The following SV2A variants were observed in gnomAD, a reference collection of about 807,000 sequenced individuals.
SV2A encodes solute carrier family 22 member B1.
Under a neutral mutation model 78.0 loss-of-function variants are expected in SV2A, and 25 were observed. That is an observed-to-expected ratio of 0.32 (90% CI 0.23 to 0.45). The LOEUF (loss-of-function observed/expected upper bound fraction) is 0.45. SV2A is among the 20% of genes least tolerant of loss of function. SV2A has a pLI of 1.00. For synonymous variants in SV2A, 355 were observed against 384.7 expected (o/e 0.92, Z 0.90); for missense variants, 752 against 971.5 (o/e 0.77, Z 3.00).
rs782114022 is a variant in SV2A at position 149,911,790 on chromosome 1, G to A, written c.803+10C>T. ...CCTGCCCTCAAGGGACTTAGGAAGT[G>A]TACACTCACCCAACCCCAGAAAGTA... On this transcript the variant is annotated intron_variant, in intron 3 of 12. Transcript: ENST00000369146. 3.7e-6 allele frequency: 6 copies of A among 1,613,138 alleles called. 1 individual carries two copies. In the South Asian group the frequency reaches 5.5e-5, roughly 15 times the overall value.
chr1:149,913,995 G>A lies in SV2A; in HGVS notation c.-155C>T. ...CTGGGCACAAAAAAAAGAGCAAACAGGTCCTAGCCAATGAGTGCCTAGGAA... is the reference window on the plus strand; with the variant it reads ...CTGGGCACAAAAAAAAGAGCAAACAAGTCCTAGCCAATGAGTGCCTAGGAA... On this transcript the variant is annotated 5_prime_UTR_variant, in exon 2 of 13. Coordinates refer to ENST00000369146, the MANE Select transcript of SV2A (RefSeq NM_014849.5). 1 of 1,192,954 alleles carries A rather than the reference G, an allele frequency of 8.4e-7. No individual in the cohort carries two copies. Among genetic ancestry groups the A allele is most frequent in the South Asian group, 1.6e-5 (1 of 61,122 alleles). 73.9% of individuals were successfully genotyped at this position (1,192,954 alleles called of 1,614,324 possible).
rs2092495584 is a variant in SV2A at position 149,913,960 on chromosome 1, T to G, written c.-120A>C. ...CCACAGTTACTTAGATGAAGCGTGTTCCAGTATCTCTGGGCACAAAAAAAA... is the reference window on the plus strand; with the variant it reads ...CCACAGTTACTTAGATGAAGCGTGTGCCAGTATCTCTGGGCACAAAAAAAA... On this transcript the variant is annotated 5_prime_UTR_variant, in exon 2 of 13. Transcript: ENST00000369146. 6.9e-7 allele frequency: 1 copy of G among 1,442,712 alleles called. No individual in the cohort carries two copies. Among genetic ancestry groups the G allele is most frequent in the African/African-American group, 1.4e-5 (1 of 70,424 alleles). 89.4% of individuals were successfully genotyped at this position (1,442,712 alleles called of 1,614,324 possible). A position where few individuals can be genotyped will look rare whatever the true frequency, so the allele number is the denominator to read the frequency against.
intron 12 of SV2A, 159 bp from the exon 13 acceptor site, chr1:149,905,356 A>C: frequency 1.7e-6 from 1 of 604,930 alleles, no homozygotes; most frequent in Non-Finnish European, 2.8e-6. Context: ...TACACCAGGA[A>C]TGTAAATAAA....
At position 149,906,696 on chromosome 1, in the gene SV2A, G is replaced by A. The variant is rs781990667; in HGVS notation, c.1839C>T (p.Ile613=). 3.0e-5 allele frequency: 48 copies of A among 1,614,062 alleles called. No individual in the cohort carries two copies. The highest frequency in any genetic ancestry group is 1.1e-4 in the East Asian group (5 of 44,904). ...TCTTGTCCATGAGCAGGGCAGACACGATATTCCCAGGAAGCACTGCCAGTG... is the reference window on the plus strand; with the variant it reads ...TCTTGTCCATGAGCAGGGCAGACACAATATTCCCAGGAAGCACTGCCAGTG... ...LGTLAVLPGN[I]VSALLMDKIG... The change falls in exon 11 of 13, where the codon ATC becomes ATT. Residue 613 remains isoleucine (I), a synonymous_variant. Coordinates refer to ENST00000369146, the MANE Select transcript of SV2A (RefSeq NM_014849.5).
chr1:149,911,530 T>C (rs2101621871), intron 3 of SV2A, among the ~76,000 whole-genome samples: 1 of 152,234 alleles, frequency 6.6e-6, no homozygotes, highest in East Asian at 1.9e-4. Flanking sequence ...CTAGGCCTCT[T>C]TGTGGAGGCA....
chr1:149,917,339 C>T (rs587704289), intron 1 of SV2A, among the ~76,000 whole-genome samples: 5 of 152,138 alleles, frequency 3.3e-5, no homozygotes, highest in South Asian at 2.1e-4. Context: ...ATTCTCCAGC[C>T]CCAGCCAAGG....
Position 149,908,063 on chromosome 1 carries a change from C to G in SV2A, c.1523G>C (p.Gly508Ala), listed in dbSNP as rs147541799. 7 of 1,614,152 alleles carry G rather than the reference C, an allele frequency of 4.3e-6. No homozygotes were observed. Among genetic ancestry groups the G allele is most frequent in the Non-Finnish European group, 5.9e-6 (7 of 1,180,008 alleles). The change falls in exon 9 of 13, where the codon GGC becomes GCC. Residue 508 changes from glycine (G) to alanine (A), a missense_variant. Physicochemically the swap from Gly to Ala is moderately conservative, Grantham distance 60. Around this residue, in one of 7 missense-constraint regions of SV2A, gnomAD observed 81 missense variants for 74.2 expected, o/e 1.09. Coordinates refer to ENST00000369146, the MANE Select transcript of SV2A (RefSeq NM_014849.5). ...NFTLENQIHR[G>A]GQYFNDKFIG... ...ATACTTGTCATTGAAGTACTGCCCG[C>G]CTCGGTGGATCTGATTCTCCAACGT...
intron 3 of SV2A, among the ~76,000 whole-genome samples, 180 bp from the exon 4 acceptor site, chr1:149,911,157 G>A (rs2092473084): frequency 1.3e-5 from 2 of 152,176 alleles, no homozygotes; most frequent in African/African-American, 2.4e-5. Context: ...TTGGGACCAT[G>A]GGAAACAGGC....
At chr1:149,908,813 A>G in intron 8 of SV2A, among the ~76,000 whole-genome samples, 1 of 151,864 alleles carries the variant, frequency 6.6e-6, no homozygotes, top group East Asian at 1.9e-4. Context: ...AATTTTTTGT[A>G]TGTTAGTAGA....
At position 149,905,146 on chromosome 1, in the gene SV2A, C is replaced by A. The variant is rs1201811534; in HGVS notation, c.2097G>T (p.Leu699=). ...LNALCKLAAV[L]GISIFTSFVG... is the part of the protein sequence containing the mutation. ...CGAAGGATGTGAAGATGCTGATCCCCAGCACAGCTGCCAGCTTACACAGGG... is the reference window on the plus strand; with the variant it reads ...CGAAGGATGTGAAGATGCTGATCCCAAGCACAGCTGCCAGCTTACACAGGG... The change falls in exon 13 of 13, where the codon CTG becomes CTT. Residue 699 remains leucine, a synonymous_variant. Transcript: ENST00000369146. 2.5e-6 allele frequency: 4 copies of A among 1,611,860 alleles called. No individual in the cohort carries two copies. In the African/African-American group the frequency reaches 5.3e-5, roughly 22 times the overall value.
At chr1:149,915,727 G>A (rs1424421038) in intron 1 of SV2A, among the ~76,000 whole-genome samples, 2 of 152,154 alleles carry the variant, frequency 1.3e-5, no homozygotes, top group Non-Finnish European at 2.9e-5. Flanking sequence ...TAGAATAAAG[G>A]GGGTTTGGGT....
intron 10 of SV2A, 159 bp from the exon 11 acceptor site, chr1:149,907,015 G>A: frequency 6.9e-7 from 1 of 1,454,180 alleles, no homozygotes; most frequent in Non-Finnish European, 9.1e-7. Flanking sequence ...ACATCACCAT[G>A]GGAACTAGGG....
At position 149,913,491 on chromosome 1, in the gene SV2A, G is replaced by A. The variant is rs781903721; in HGVS notation, c.350C>T (p.Ala117Val). 26 of 1,611,498 alleles carry A rather than the reference G, an allele frequency of 1.6e-5. No homozygotes were observed. Among genetic ancestry groups the A allele is most frequent in the African/African-American group, 6.8e-5 (5 of 73,872 alleles). ...GGKGERMADGAPLAGVRGGLS... is the reference protein window; with the variant it reads ...GGKGERMADGVPLAGVRGGLS... ...GCCCCCCCTTACTCCAGCCAGGGGC[G>A]CCCCATCTGCCATCCGCTCGCCTTT... The change falls in exon 2 of 13, where the codon GCG becomes GTG. Residue 117 changes from alanine to valine, a missense_variant. Ala to Val is a moderately conservative substitution (Grantham distance 64). Coordinates refer to ENST00000369146, the MANE Select transcript of SV2A (RefSeq NM_014849.5).
At chr1:149,911,763 G>C in intron 3 of SV2A, 37 bp downstream of exon 3, 2 of 1,600,516 alleles carry the variant, frequency 1.2e-6, no homozygotes, top group South Asian at 2.3e-5. Flanking sequence ...CCAAGGCACA[G>C]TCCTGCCCTC....
intron 10 of SV2A, 48 bp downstream of exon 10, chr1:149,907,652 G>T (rs2092447092): frequency 1.3e-6 from 2 of 1,588,128 alleles, no homozygotes. Context: ...TTCTCATCAA[G>T]GTCCACCCAA....
chr1:149,911,838 G>A lies in SV2A; in HGVS notation c.765C>T (p.Tyr255=), dbSNP rs374291598. 1.3e-5 allele frequency: 21 copies of A among 1,614,040 alleles called. No homozygotes were observed. The highest frequency in any genetic ancestry group is 6.7e-5 in the African/African-American group (5 of 74,900). Residue 255 remains tyrosine, a synonymous_variant, in exon 3 of 13, where the codon TAC becomes TAT. Coordinates refer to ENST00000369146, the MANE Select transcript of SV2A (RefSeq NM_014849.5). The stretch of plus-strand genomic sequence containing the variant: ...GTAGGCGGCAGAAGAGGAAAGTGCC[G>A]TAACCCTGGACAAAAGATGAGAAGA... ...FAFFSSFVQG[Y]GTFLFCRLLS...
intron 7 of SV2A, 26 bp from the exon 8 acceptor site, chr1:149,909,306 C>T (rs1553763308): frequency 1.2e-6 from 2 of 1,611,026 alleles, no homozygotes; most frequent in East Asian, 2.2e-5. Flanking sequence ...CAAAGTCAGA[C>T]CTTGACTATA....
chr1:149,915,514 G>T (rs2092507109), intron 1 of SV2A, among the ~76,000 whole-genome samples: 1 of 152,166 alleles, frequency 6.6e-6, no homozygotes, highest in Non-Finnish European at 1.5e-5. Context: ...GAATGTCATA[G>T]ATAGGCCCCC....
intron 2 of SV2A, 38 bp downstream of exon 2, chr1:149,913,181 A>G (rs1553764010): frequency 1.3e-6 from 2 of 1,594,320 alleles, no homozygotes; most frequent in African/African-American, 1.3e-5. Context: ...AGGTTTCCAG[A>G]GTTTGAGGGG....
Sources: gnomAD v4.1 joint callset for allele counts (sites outside exome capture counted in the v4.1 genomes callset) on GRCh38, gnomAD v4.1.1 for gene constraint, gnomAD v4.1.1 regional missense constraint, MANE v1.5 for transcripts, NCBI Gene and HGNC (gene_info 2026-07-23, HGNC 2026-07-21) for gene names.